The following OMD variants were observed in gnomAD, a reference collection of about 807,000 sequenced individuals.
The protein encoded by OMD is osteomodulin, also known as KSPG osteomodulin.
OMD carries 19 observed loss-of-function variants against 31.2 expected under a neutral mutation model. That is an observed-to-expected ratio of 0.61 (90% CI 0.42 to 0.89). The LOEUF (loss-of-function observed/expected upper bound fraction) is 0.89, where lower values mean the gene tolerates loss of function less well. OMD is among the 40% of genes least tolerant of loss of function. The pLI, the probability that OMD is intolerant of heterozygous loss-of-function variation, is 0.00. For missense variants in OMD, 448 were observed against 490.8 expected (o/e 0.91, Z 0.82); for synonymous variants, 155 against 166.4 (o/e 0.93, Z 0.53).
rs112989821 is a variant in OMD, at chr9:92,421,206, A to AT, written c.-17+2995dup. ...AGATGCGTGCCACCACACCTGGCTA[A>AT]TTTTTTAATTTTTTGTAAAGACAGG... On this transcript the variant is annotated intron_variant, in intron 1 of 2. Coordinates refer to ENST00000375550, the MANE Select transcript of OMD (RefSeq NM_005014.3). 4.8e-3 allele frequency among the ~76,000 whole-genome samples: 728 copies of AT among 152,066 alleles called. 4 individuals carry two copies. Among genetic ancestry groups the AT allele is most frequent in the African/African-American group, 0.015 (633 of 41,456 alleles).
At chr9:92,416,099 T>TATATA (rs1843601377) in intron 2 of OMD, among the ~76,000 whole-genome samples, 2 of 132,848 alleles carry the variant, frequency 1.5e-5, no homozygotes, top group African/African-American at 2.8e-5. Context: ...TATTTATTTA[T>TATATA]TTTATTTTTT....
In OMD at chr9:92,414,237, G is replaced by A. The variant is rs1434416762; in HGVS notation, c.*915C>T. On this transcript the variant is annotated 3_prime_UTR_variant, in exon 3 of 3. Coordinates refer to ENST00000375550, the MANE Select transcript of OMD (RefSeq NM_005014.3). ...AGCTTATGTAGATATTGGCTGATAA[G>A]CATAAAGTGTTTAGTATTATCTTTA... The A allele has an allele frequency of 5.5e-6, 1 of 181,470 alleles. No homozygotes were observed. The highest frequency in any genetic ancestry group is 2.4e-5 in the African/African-American group (1 of 42,444). 11.2% of individuals were successfully genotyped at this position (181,470 alleles called of 1,614,324 possible).
rs903563537 is a variant in OMD, at chr9:92,417,468, A to G, written c.91T>C (p.Tyr31His). 6.2e-7 allele frequency: 1 copy of G among 1,613,992 alleles called. No homozygotes were observed. The highest frequency in any genetic ancestry group is 1.7e-4 in the Middle Eastern group (1 of 6,060). ...TAATCATCATCTGGCTCTTGGTCAT[A>G]GTCTTCATCCCACTGATAAGTTTCA... The part of the protein sequence containing the change: ...QYETYQWDED[Y>H]DQEPDDDYQT... Residue 31 changes from tyrosine to histidine, a missense_variant, in exon 2 of 3, where the codon TAT (tyrosine) becomes CAT (histidine). Tyr to His is a moderately conservative substitution (Grantham distance 83). Coordinates refer to ENST00000375550, the MANE Select transcript of OMD (RefSeq NM_005014.3).
rs1843485701 is a variant in OMD, at chr9:92,412,968, A to T, written c.*2184T>A. 7.0e-6 allele frequency among the ~76,000 whole-genome samples: 1 copy of T among 142,808 alleles called. No homozygotes were observed. The highest frequency in any genetic ancestry group is 1.5e-5 in the Non-Finnish European group (1 of 66,110). The allele number at this position is 142,808 out of a possible 152,430, so 93.7% of individuals were successfully genotyped here. ...GGAATGGAATCGCTGGGTTATATGT[A>T]ACTAAGCTTTTTTTTTTTTTTTTTT... On this transcript the variant is annotated 3_prime_UTR_variant, in exon 3 of 3. Transcript: ENST00000375550.
chr9:92,423,437 C>T (rs1843873821), intron 1 of OMD, among the ~76,000 whole-genome samples: 2 of 151,926 alleles, frequency 1.3e-5, no homozygotes, highest in Non-Finnish European at 2.9e-5. Context: ...AAGTAAAATC[C>T]TCAACATTTT....
chr9:92,419,679 C>T (rs1157617112), intron 1 of OMD, among the ~76,000 whole-genome samples: 1 of 152,106 alleles, frequency 6.6e-6, no homozygotes, highest in Non-Finnish European at 1.5e-5. Flanking sequence ...GTACTTTGCA[C>T]GTTGAAAACT....
Position 92,417,569 on chromosome 9 carries a change from T to C in OMD, c.-11A>G, listed in dbSNP as rs764056170. On this transcript the variant is annotated 5_prime_UTR_variant, in exon 2 of 3. Transcript: ENST00000375550. ...ACTTAAAAAACCCATCTTCTTTTTT[T>C]TTTTCCTATTGCAAGGAGAAAAGGA... 35 of 1,517,638 alleles carry C rather than the reference T, an allele frequency of 2.3e-5. No individual in the cohort carries two copies. Among genetic ancestry groups the C allele is most frequent in the Middle Eastern group, 1.7e-4 (1 of 5,736 alleles). 94.0% of individuals were successfully genotyped at this position (1,517,638 alleles called of 1,614,324 possible).
At chr9:92,421,324 G>A (rs1270630915) in intron 1 of OMD, among the ~76,000 whole-genome samples, 1 of 152,180 alleles carries the variant, frequency 6.6e-6, no homozygotes, top group Non-Finnish European at 1.5e-5. Flanking sequence ...ACAGGCATGA[G>A]CCACCACCCC....
rs528732461 is a variant in OMD, at chr9:92,422,297, G to A, written c.-17+1905C>T. Among the ~76,000 whole-genome samples, 31 of 152,086 alleles carry A rather than the reference G, an allele frequency of 2.0e-4. 2 individuals are homozygous for A. In the East Asian group the frequency reaches 5.8e-3, roughly 28 times the overall value. ...TCGAACTCCTGACCTCAGGTGATCC[G>A]CCCACCTCAGCCTCCCAAAGTGCTG... On this transcript the variant is annotated intron_variant, in intron 1 of 2. Coordinates refer to ENST00000375550, the MANE Select transcript of OMD (RefSeq NM_005014.3).
At position 92,416,675 on chromosome 9, in the gene OMD, G is replaced by A. The variant is rs1370165106; in HGVS notation, c.884C>T (p.Ala295Val). ...LSVGHNKLKQ[A>V]FYIPRNLEHL... ...TTCCAAATTTCTTGGAATATAGAATGCTTGCTTCAATTTGTTGTGTCCAAC... is the reference window on the plus strand; with the variant it reads ...TTCCAAATTTCTTGGAATATAGAATACTTGCTTCAATTTGTTGTGTCCAAC... The change falls in exon 2 of 3, where the codon GCA becomes GTA. Residue 295 changes from alanine (A) to valine (V), a missense_variant. By Grantham distance (64) the Ala-to-Val change is moderately conservative (BLOSUM62 0). Transcript: ENST00000375550. 6.2e-7 allele frequency: 1 copy of A among 1,609,700 alleles called. No homozygotes were observed. The highest frequency in any genetic ancestry group is 1.3e-5 in the African/African-American group (1 of 74,612).
At chr9:92,416,068 A>ATATATATT (rs1275784821) in intron 2 of OMD, among the ~76,000 whole-genome samples, 5 of 136,998 alleles carry the variant, frequency 3.6e-5, no homozygotes, top group African/African-American at 1.0e-4. Context: ...GTATATATAT[A>ATATATATT]TATTTATTTA....
chr9:92,420,619 ATTG>A (rs1305423892), intron 1 of OMD, among the ~76,000 whole-genome samples: 3 of 151,832 alleles, frequency 2.0e-5, no homozygotes, highest in African/African-American at 7.3e-5. Context: ...ATTCCCCATT[ATTG>A]TTTTTGGGTG....
At chr9:92,416,185 C>T (rs185949891) in intron 2 of OMD, among the ~76,000 whole-genome samples, 55 of 150,808 alleles carry the variant, frequency 3.6e-4, no homozygotes, top group Admixed American at 2.9e-3. Context: ...CTGCAACCTC[C>T]GATTCCTGGG....
Position 92,416,149 on chromosome 9 carries a change from G to A in OMD, c.940+470C>T, listed in dbSNP as rs897695274. Reference sequence around the variant, plus strand: ...GAGTTTTGCTCTGTCATCCAGGCCAGAAAGCAGTGGCATGATCTCAGCTCA... The same window carrying A: ...GAGTTTTGCTCTGTCATCCAGGCCAAAAAGCAGTGGCATGATCTCAGCTCA... On this transcript the variant is annotated intron_variant, in intron 2 of 2. Coordinates refer to ENST00000375550, the MANE Select transcript of OMD (RefSeq NM_005014.3). 2.0e-5 allele frequency among the ~76,000 whole-genome samples: 3 copies of A among 148,032 alleles called. No individual in the cohort carries two copies. In the South Asian group the frequency reaches 6.4e-4, roughly 32 times the overall value.
rs960893679 is a variant in OMD, at chr9:92,414,667, G to A, written c.*485C>T. The A allele has an allele frequency of 4.8e-6, 1 of 209,596 alleles. No homozygotes were observed. The highest frequency in any genetic ancestry group is 9.7e-6 in the Non-Finnish European group (1 of 103,110). The allele number at this position is 209,596 out of a possible 1,614,324, so 13.0% of individuals were successfully genotyped here. ...TGAGATCACAAATACCAGTGTGAAA[G>A]CTTTCCTGAAGAAGAGGTCAGAGAA... On this transcript the variant is annotated 3_prime_UTR_variant, in exon 3 of 3. Coordinates refer to ENST00000375550, the MANE Select transcript of OMD (RefSeq NM_005014.3).
At chr9:92,423,465 A>C (rs1445991234) in intron 1 of OMD, among the ~76,000 whole-genome samples, 1 of 152,156 alleles carries the variant, frequency 6.6e-6, no homozygotes, top group African/African-American at 2.4e-5. Context: ...TAAAGACATA[A>C]TTGTTTTTAT....
chr9:92,422,908 G>A (rs1843853778), intron 1 of OMD, among the ~76,000 whole-genome samples: 1 of 152,020 alleles, frequency 6.6e-6, no homozygotes, highest in Admixed American at 6.6e-5. Flanking sequence ...TTCTCTATAG[G>A]ATAACTCACA....
At chr9:92,420,061 C>T (rs1424991704) in intron 1 of OMD, among the ~76,000 whole-genome samples, 1 of 152,144 alleles carries the variant, frequency 6.6e-6, no homozygotes, top group South Asian at 2.1e-4. Flanking sequence ...GAGCTCTCTT[C>T]CTGCAGTGAT....
In OMD at chr9:92,416,668, A is replaced by G; in HGVS notation, c.891T>C (p.Tyr297=). 1 of 1,608,460 alleles carries G rather than the reference A, an allele frequency of 6.2e-7. No homozygotes were observed. The highest frequency in any genetic ancestry group is 8.5e-7 in the Non-Finnish European group (1 of 1,178,366). The part of the protein sequence containing the change: ...VGHNKLKQAF[Y]IPRNLEHLYL... ...ATAGGTGTTCCAAATTTCTTGGAAT[A>G]TAGAATGCTTGCTTCAATTTGTTGT... Residue 297 remains tyrosine, a synonymous_variant, in exon 2 of 3, where the codon TAT becomes TAC. Transcript: ENST00000375550.
Sources: allele counts gnomAD v4.1 joint callset (sites outside exome capture counted in the v4.1 genomes callset), GRCh38; gene constraint gnomAD v4.1.1; transcripts MANE v1.5; gene names NCBI Gene and HGNC (gene_info 2026-07-23, HGNC 2026-07-21).